Variants in UBXN2A observed in about 807,000 individuals in gnomAD.
The protein encoded by UBXN2A is UBX domain protein 2A.
Under a neutral mutation model 28.4 loss-of-function variants are expected in UBXN2A, and 28 were observed. That is an observed-to-expected ratio of 0.99 (90% CI 0.73 to 1.35). The LOEUF is 1.35. Ranked by LOEUF, UBXN2A falls within the 40% of genes most tolerant of loss-of-function variation. UBXN2A has a pLI of 0.00. For synonymous variants in UBXN2A, 97 were observed against 103.6 expected, an observed-to-expected ratio of 0.94 and a Z score of 0.39; for missense variants, 253 against 297.9, an observed-to-expected ratio of 0.85 and a Z score of 1.11.
At chr2:23,942,589 T>C (rs1000324213) in intron 1 of UBXN2A, among the ~76,000 whole-genome samples, 11 of 151,692 alleles carry the variant, frequency 7.3e-5, no homozygotes, top group Admixed American at 3.9e-4. Context: ...CGGCTAATTT[T>C]TGTATTTTTA....
At chr2:23,971,818 A>G (rs1180161013) in intron 3 of UBXN2A, among the ~76,000 whole-genome samples, 1 of 151,866 alleles carries the variant, frequency 6.6e-6, no homozygotes, top group African/African-American at 2.4e-5. Flanking sequence ...CTTTTTCACT[A>G]TGTTCACAAG....
intron 6 of UBXN2A, among the ~76,000 whole-genome samples, chr2:23,988,121 TCA>T (rs1558306071): frequency 1.8e-5 from 1 of 54,216 alleles, no homozygotes; most frequent in Admixed American, 2.8e-4. Flanking sequence ...AGGCTCCATC[TCA>T]AAAAAAAAAA....
At position 23,976,955 on chromosome 2, in the gene UBXN2A, C is replaced by A; in HGVS notation, c.181-14C>A. ...TTATTAACATGACGCATTTTGTTTC[C>A]TACTGTTTTGCAGGTAGATGTAAAT... On this transcript the variant is annotated splice_polypyrimidine_tract_variant and intron_variant, in intron 3 of 6. Coordinates refer to ENST00000309033, the MANE Select transcript of UBXN2A (RefSeq NM_181713.4). 6.3e-7 allele frequency: 1 copy of A among 1,589,834 alleles called. No individual in the cohort carries two copies. Among genetic ancestry groups the A allele is most frequent in the Non-Finnish European group, 8.6e-7 (1 of 1,159,600 alleles).
At chr2:23,965,804 T>C (rs1184016493) in intron 2 of UBXN2A, among the ~76,000 whole-genome samples, 1 of 152,220 alleles carries the variant, frequency 6.6e-6, no homozygotes, top group African/African-American at 2.4e-5. Flanking sequence ...CTTTCTTAAA[T>C]GTTTGGTAGC....
chr2:23,970,082 A>G (rs6731001), intron 2 of UBXN2A, among the ~76,000 whole-genome samples: 18,334 of 152,138 alleles, frequency 0.12, 1,198 homozygotes, highest in Middle Eastern at 0.21. Context: ...ACTGGAGCCC[A>G]GGAGTTTGAA....
chr2:23,973,909 C>T (rs1053589032), intron 3 of UBXN2A, among the ~76,000 whole-genome samples: 2 of 152,126 alleles, frequency 1.3e-5, no homozygotes, highest in East Asian at 1.9e-4. Context: ...GGATTACAGG[C>T]ATGAGCCACC....
intron 6 of UBXN2A, among the ~76,000 whole-genome samples, chr2:23,986,613 C>CTT (rs1240438686): frequency 9.9e-4 from 136 of 137,796 alleles, no homozygotes; most frequent in African/African-American, 3.5e-3. Flanking sequence ...TTCCTAAAAG[C>CTT]TTTTTTTTTT....
intron 3 of UBXN2A, among the ~76,000 whole-genome samples, chr2:23,972,815 T>G (rs1573577145): frequency 6.6e-6 from 1 of 152,014 alleles, no homozygotes; most frequent in East Asian, 1.9e-4. Context: ...GAGCTAGACT[T>G]GGTCTCAAAA....
intron 2 of UBXN2A, among the ~76,000 whole-genome samples, chr2:23,959,150 C>T (rs1706783312): frequency 6.6e-6 from 1 of 152,128 alleles, no homozygotes; most frequent in African/African-American, 2.4e-5. Flanking sequence ...TATTTTTTAA[C>T]TCAGGTATTT....
At chr2:23,986,030 C>T (rs1485053906) in intron 6 of UBXN2A, among the ~76,000 whole-genome samples, 6 of 151,864 alleles carry the variant, frequency 4.0e-5, no homozygotes, top group South Asian at 2.1e-4. Flanking sequence ...TGAAGTTGGC[C>T]GGGCACGGTG....
intron 3 of UBXN2A, among the ~76,000 whole-genome samples, chr2:23,971,757 T>C (rs2150868938): frequency 6.6e-6 from 1 of 152,258 alleles, no homozygotes; most frequent in East Asian, 1.9e-4. Context: ...CCCAAAGTGC[T>C]GGGATTATAG....
At chr2:23,944,013 G>A (rs565259994) in intron 1 of UBXN2A, 5 of 521,200 alleles carry the variant, frequency 9.6e-6, no homozygotes, top group South Asian at 3.5e-5. Flanking sequence ...ATCTCCCCAC[G>A]TCACTATCTA....
At chr2:23,963,370 C>T (rs1707020166) in intron 2 of UBXN2A, among the ~76,000 whole-genome samples, 1 of 151,652 alleles carries the variant, frequency 6.6e-6, no homozygotes, top group Admixed American at 6.6e-5. Context: ...CAAAAAGTAG[C>T]CAGGCGTGGT....
chr2:23,999,267 C>G (rs1708654959), intron 6 of UBXN2A, among the ~76,000 whole-genome samples: 1 of 152,178 alleles, frequency 6.6e-6, no homozygotes, highest in Admixed American at 6.6e-5. Flanking sequence ...ATTCCTTTGT[C>G]TTACCTAAGA....
At chr2:23,947,964 C>G (rs374559613) in intron 1 of UBXN2A, among the ~76,000 whole-genome samples, 148 of 152,080 alleles carry the variant, frequency 9.7e-4, no homozygotes, top group African/African-American at 3.5e-3. Flanking sequence ...AAGTGATTCT[C>G]CTGCCTCAGC....
chr2:23,974,589 G>A (rs913981856), intron 3 of UBXN2A, among the ~76,000 whole-genome samples: 6 of 151,588 alleles, frequency 4.0e-5, no homozygotes, highest in Admixed American at 6.6e-5. Flanking sequence ...CTCATGATCC[G>A]CCTGCCTCGG....
chr2:23,958,267 T>A, intron 1 of UBXN2A, 34 bp from the exon 2 acceptor site: 1 of 1,558,586 alleles, frequency 6.4e-7, no homozygotes, highest in Admixed American at 2.0e-5. Flanking sequence ...TTTTACTTAC[T>A]TTCTTTTTAC....
At chr2:23,971,155 G>A in intron 2 of UBXN2A, 121 bp from the exon 3 acceptor site, 1 of 1,106,650 alleles carries the variant, frequency 9.0e-7, no homozygotes, top group Non-Finnish European at 1.2e-6. Flanking sequence ...TAACTTAGGA[G>A]AGGGCCTGAA....
intron 6 of UBXN2A, among the ~76,000 whole-genome samples, chr2:23,986,124 C>T (rs1040811318): frequency 6.6e-5 from 10 of 151,838 alleles, no homozygotes; most frequent in Admixed American, 5.3e-4. Context: ...CTGGCTAACA[C>T]GGTGAAACCC....
Sources: allele counts gnomAD v4.1 joint callset (sites outside exome capture counted in the v4.1 genomes callset), GRCh38; gene constraint gnomAD v4.1.1; transcripts MANE v1.5; gene names NCBI Gene and HGNC (gene_info 2026-07-23, HGNC 2026-07-21).